The following USP48 variants were observed in gnomAD, a reference collection of about 807,000 sequenced individuals.
USP48 encodes the protein ubiquitin specific peptidase 48.
A neutral mutation model predicts 150.7 loss-of-function variants in USP48; 43 were observed. The ratio of observed to expected loss-of-function variants is 0.29; its 90% CI spans 0.22 to 0.37. The LOEUF (loss-of-function observed/expected upper bound fraction) is 0.37. Ranked by LOEUF, USP48 falls within the 10% of genes least tolerant of loss-of-function variation. The pLI, the probability that USP48 is intolerant of heterozygous loss-of-function variation, is 1.00. For missense variants in USP48, 813 were observed against 1,249.6 expected (o/e 0.65, Z 5.27); for synonymous variants, 396 against 425.9 (o/e 0.93, Z 0.86).
At chr1:21,778,105 T>G (rs1418220740) in intron 1 of USP48, among the ~76,000 whole-genome samples, 1 of 150,466 alleles carries the variant, frequency 6.6e-6, no homozygotes, top group Non-Finnish European at 1.5e-5. Flanking sequence ...ATGGCATCAC[T>G]GCACTCCAGC....
chr1:21,771,040 C>T (rs2097878609), intron 1 of USP48, among the ~76,000 whole-genome samples: 3 of 152,034 alleles, frequency 2.0e-5, no homozygotes, highest in Admixed American at 2.0e-4. Flanking sequence ...GCACAAGAAT[C>T]ACTTGAACCC....
intron 22 of USP48, among the ~76,000 whole-genome samples, chr1:21,699,399 T>C (rs1207093346): frequency 2.7e-5 from 4 of 148,018 alleles, no homozygotes; most frequent in East Asian, 4.0e-4. Context: ...AGGGTTTCAC[T>C]GTGTTAGCCA....
chr1:21,780,738 ATTT>A (rs34071636), intron 1 of USP48, among the ~76,000 whole-genome samples: 3 of 117,428 alleles, frequency 2.6e-5, no homozygotes, highest in Non-Finnish European at 1.7e-5. Context: ...AGATAAGATA[ATTT>A]TTTTTTTTTT....
chr1:21,679,223 G>T lies in USP48; in HGVS notation c.*194C>A. The T allele has an allele frequency of 6.0e-6, 2 of 335,680 alleles. No individual in the cohort carries two copies. Among genetic ancestry groups the T allele is most frequent in the South Asian group, 2.4e-5 (1 of 40,942 alleles). 20.8% of individuals were successfully genotyped at this position (335,680 alleles called of 1,614,324 possible). A position where few individuals can be genotyped will look rare whatever the true frequency, so the allele number is the denominator to read the frequency against. On this transcript the variant is annotated 3_prime_UTR_variant, in exon 27 of 27. Transcript: ENST00000308271. ...ATAAAATTGGAAACATTTCCTTCAA[G>T]TCTGATGTCCATCAGTGCAATCTGC...
chr1:21,712,721 T>C (rs542550788), intron 15 of USP48, among the ~76,000 whole-genome samples: 29 of 150,562 alleles, frequency 1.9e-4, no homozygotes, highest in Non-Finnish European at 4.0e-4. Context: ...CTCCGCCTCC[T>C]GGGTTCAAGC....
rs774627184 is a variant in USP48 at position 21,701,467 on chromosome 1, T to C, written c.2727+31A>G. On this transcript the variant is annotated intron_variant, in intron 22 of 26. Transcript: ENST00000308271. ...GCTGCTCTATAAGAACAGCAGAAAGTATAACAATGAAAAGCAGCTTCAACA... is the reference window on the plus strand; with the variant it reads ...GCTGCTCTATAAGAACAGCAGAAAGCATAACAATGAAAAGCAGCTTCAACA... The C allele has an allele frequency of 2.5e-6, 4 of 1,587,982 alleles. No individual in the cohort carries two copies. In the East Asian group the frequency reaches 6.7e-5, roughly 27 times the overall value.
chr1:21,758,449 T>A lies in USP48; in HGVS notation c.135-666A>T, dbSNP rs147737292. ...AAATTGGTTACCTACAGAGCATGAG[T>A]GGGAATAAGGTTAAAAGAAAATACA... On this transcript the variant is annotated intron_variant, in intron 1 of 26. Transcript: ENST00000308271. Among the ~76,000 whole-genome samples the A allele has an allele frequency of 3.9e-5, 6 of 152,036 alleles. No homozygotes were observed. In the East Asian group the frequency reaches 1.2e-3, roughly 29 times the overall value.
Position 21,783,145 on chromosome 1 carries a change from G to C in USP48, c.-188C>G. ...CGCCCGCGCCCGACCCGCACGACCG[G>C]CCGCAAAGCGCCGCCGTCGACACCC... On this transcript the variant is annotated 5_prime_UTR_variant, in exon 1 of 27. Transcript: ENST00000308271. 2 of 835,664 alleles carry C rather than the reference G, an allele frequency of 2.4e-6. No homozygotes were observed. The highest frequency in any genetic ancestry group is 3.3e-6 in the Non-Finnish European group (2 of 604,316). The allele number at this position is 835,664 out of a possible 1,614,324, so 51.8% of individuals were successfully genotyped here. A position where few individuals can be genotyped will look rare whatever the true frequency, so the allele number is the denominator to read the frequency against.
intron 25 of USP48, among the ~76,000 whole-genome samples, chr1:21,681,904 C>T (rs2097566972): frequency 6.6e-6 from 1 of 152,162 alleles, no homozygotes; most frequent in African/African-American, 2.4e-5. Flanking sequence ...GTCATCATCC[C>T]TTCCACTTTT....
intron 25 of USP48, among the ~76,000 whole-genome samples, chr1:21,685,061 C>A (rs2097577088): frequency 6.6e-6 from 1 of 152,064 alleles, no homozygotes; most frequent in East Asian, 1.9e-4. Flanking sequence ...TTGTGTTTTT[C>A]TATTTCTGTG....
At chr1:21,759,887 T>C (rs181329234) in intron 1 of USP48, among the ~76,000 whole-genome samples, 10 of 152,308 alleles carry the variant, frequency 6.6e-5, no homozygotes, top group East Asian at 1.9e-4. Flanking sequence ...CGTAGGCAAG[T>C]TGGAGAAATA....
At chr1:21,745,980 C>T (rs532835250) in intron 8 of USP48, among the ~76,000 whole-genome samples, 1 of 152,204 alleles carries the variant, frequency 6.6e-6, no homozygotes, top group African/African-American at 2.4e-5. Context: ...TTTTAAAGTA[C>T]AGTACTGAAG....
At chr1:21,749,586 T>C (rs2152574551) in intron 6 of USP48, among the ~76,000 whole-genome samples, 1 of 151,734 alleles carries the variant, frequency 6.6e-6, no homozygotes, top group African/African-American at 2.4e-5. Flanking sequence ...GTCTGCAAAT[T>C]AAAAAAAAAT....
At chr1:21,766,432 G>C (rs1028732047) in intron 1 of USP48, among the ~76,000 whole-genome samples, 1 of 152,058 alleles carries the variant, frequency 6.6e-6, no homozygotes, top group Non-Finnish European at 1.5e-5. Context: ...GGTATCAAAG[G>C]GTATGAATGA....
At chr1:21,739,246 G>A (rs964408881) in intron 8 of USP48, among the ~76,000 whole-genome samples, 16 of 151,928 alleles carry the variant, frequency 1.1e-4, no homozygotes, top group African/African-American at 3.4e-4. Flanking sequence ...CAGGCTGGGC[G>A]CAGTGGCTCA....
intron 22 of USP48, among the ~76,000 whole-genome samples, chr1:21,700,523 G>A (rs1331500718): frequency 6.6e-6 from 1 of 152,178 alleles, no homozygotes; most frequent in Non-Finnish European, 1.5e-5. Context: ...AGATACCTCT[G>A]CCCTGTCACA....
intron 12 of USP48, among the ~76,000 whole-genome samples, chr1:21,723,474 A>G (rs1449627017): frequency 1.3e-5 from 2 of 151,660 alleles, no homozygotes; most frequent in Non-Finnish European, 2.9e-5. Context: ...AGATTGAGCC[A>G]CTGCACGCCA....
At chr1:21,700,909 C>CA (rs2152513848) in intron 22 of USP48, among the ~76,000 whole-genome samples, 1 of 151,354 alleles carries the variant, frequency 6.6e-6, no homozygotes, top group East Asian at 2.0e-4. Flanking sequence ...ATTAAAGATA[C>CA]AAAAAATTAG....
At chr1:21,737,697 C>T (rs1444544411) in intron 8 of USP48, among the ~76,000 whole-genome samples, 2 of 152,122 alleles carry the variant, frequency 1.3e-5, no homozygotes, top group Admixed American at 1.3e-4. Context: ...AATACTGAAA[C>T]CTACAGTTTT....
Sources: allele counts gnomAD v4.1 joint callset (sites outside exome capture counted in the v4.1 genomes callset), GRCh38; gene constraint gnomAD v4.1.1; transcripts MANE v1.5; gene names NCBI Gene and HGNC (gene_info 2026-07-23, HGNC 2026-07-21).